Variants in DGLUCY observed in about 807,000 individuals in gnomAD.
The protein encoded by DGLUCY is D-glutamate cyclase, mitochondrial.
DGLUCY carries 58 observed loss-of-function variants against 58.5 expected under a neutral mutation model. The observed-to-expected ratio is 0.99, with a 90% CI of 0.80 to 1.23. The LOEUF (loss-of-function observed/expected upper bound fraction) is 1.23, where lower values mean the gene tolerates loss of function less well. Among genes scored for constraint, DGLUCY ranks in the 50% most tolerant of loss-of-function variants. The pLI, the probability that DGLUCY is intolerant of heterozygous loss-of-function variation, is 0.00. For missense variants in DGLUCY, 779 were observed against 784.7 expected, an observed-to-expected ratio of 0.99 and a Z score of 0.09; for synonymous variants, 325 against 314.1, an observed-to-expected ratio of 1.03 and a Z score of -0.37.
intron 1 of DGLUCY, among the ~76,000 whole-genome samples, chr14:91,133,751 C>G (rs954341568): frequency 2.6e-5 from 4 of 152,180 alleles, no homozygotes; most frequent in African/African-American, 9.7e-5. Context: ...ATTTTACCAT[C>G]ACACCAGCAA....
intron 5 of DGLUCY, among the ~76,000 whole-genome samples, 181 bp downstream of exon 5, chr14:91,170,382 G>A (rs372807914): frequency 3.8e-4 from 58 of 152,302 alleles, no homozygotes; most frequent in Admixed American, 2.4e-3. Context: ...AGCCAGCCTC[G>A]GTCCCACTCA....
intron 9 of DGLUCY, among the ~76,000 whole-genome samples, chr14:91,195,083 T>C (rs1256818673): frequency 1.3e-5 from 2 of 152,136 alleles, no homozygotes; most frequent in African/African-American, 2.4e-5. Flanking sequence ...ATGATGGAGA[T>C]TGAGGAGCTG....
chr14:91,061,020 G>C (rs1397833383), intron 1 of DGLUCY: 2 of 152,368 alleles, frequency 1.3e-5, no homozygotes, highest in African/African-American at 4.8e-5. Flanking sequence ...CTAGTAGTCA[G>C]GAGGCGCTCG....
chr14:91,068,497 C>T (rs970678461), intron 1 of DGLUCY, among the ~76,000 whole-genome samples: 1 of 152,090 alleles, frequency 6.6e-6, no homozygotes, highest in South Asian at 2.1e-4. Context: ...GGAGAAATCC[C>T]GTCTGTACTA....
At chr14:91,139,514 G>A (rs973195805) in intron 1 of DGLUCY, among the ~76,000 whole-genome samples, 28 of 152,166 alleles carry the variant, frequency 1.8e-4, no homozygotes, top group African/African-American at 4.8e-4. Context: ...GTGAAACCCC[G>A]TCTCTACTAA....
chr14:91,139,660 G>C (rs1045019043), intron 1 of DGLUCY, among the ~76,000 whole-genome samples: 2 of 152,208 alleles, frequency 1.3e-5, no homozygotes, highest in African/African-American at 4.8e-5. Flanking sequence ...ACTCCAGCCT[G>C]GGCAACAGAG....
At chr14:91,129,195 T>C (rs920056177) in intron 1 of DGLUCY, among the ~76,000 whole-genome samples, 1 of 152,188 alleles carries the variant, frequency 6.6e-6, no homozygotes, top group Non-Finnish European at 1.5e-5. Context: ...ATAAGCCATA[T>C]GTTCAACTTA....
At chr14:91,203,454 C>T (rs1411989202) in intron 11 of DGLUCY, among the ~76,000 whole-genome samples, 1 of 152,210 alleles carries the variant, frequency 6.6e-6, no homozygotes, top group Non-Finnish European at 1.5e-5. Context: ...GTACCTGTTC[C>T]ATAGGCTTGG....
upstream of DGLUCY, among the ~76,000 whole-genome samples, chr14:91,112,122 G>A (rs2044713419): frequency 6.6e-6 from 1 of 151,926 alleles, no homozygotes; most frequent in South Asian, 2.1e-4. Context: ...GGTGGCACAT[G>A]CCTGTAATCT....
chr14:91,098,246 C>T (rs2044429356), intron 1 of DGLUCY, among the ~76,000 whole-genome samples: 1 of 152,020 alleles, frequency 6.6e-6, no homozygotes, highest in Non-Finnish European at 1.5e-5. Context: ...CACTTGAGCC[C>T]AGGAGTTAGA....
At chr14:91,123,442 C>T (rs1009691994) in intron 1 of DGLUCY, among the ~76,000 whole-genome samples, 9 of 150,344 alleles carry the variant, frequency 6.0e-5, no homozygotes, top group African/African-American at 1.7e-4. Flanking sequence ...GGAAAACTGT[C>T]ATACTGACGC....
chr14:91,207,223 T>G (rs1239015066), intron 12 of DGLUCY, among the ~76,000 whole-genome samples: 1 of 141,702 alleles, frequency 7.1e-6, no homozygotes, highest in African/African-American at 2.6e-5. Context: ...AAATGCAGAA[T>G]GCCTTTGATG....
chr14:91,216,317 C>G (rs1886502073), intron 13 of DGLUCY: 1 of 155,020 alleles, frequency 6.5e-6, no homozygotes, highest in African/African-American at 2.4e-5. Context: ...GTGGTTTCAT[C>G]AGATTCTTCA....
intron 1 of DGLUCY, among the ~76,000 whole-genome samples, chr14:91,146,138 G>T (rs1004582448): frequency 1.3e-5 from 2 of 152,304 alleles, no homozygotes; most frequent in South Asian, 4.1e-4. Flanking sequence ...CTCCCAAAGT[G>T]CTGGAATTAA....
chr14:91,097,966 A>T (rs1345430820), intron 1 of DGLUCY, among the ~76,000 whole-genome samples: 1 of 152,230 alleles, frequency 6.6e-6, no homozygotes, highest in Non-Finnish European at 1.5e-5. Context: ...AAGAGAAAAA[A>T]ATCCTAGTTT....
intron 1 of DGLUCY, among the ~76,000 whole-genome samples, chr14:91,091,586 A>G (rs1310431575): frequency 2.0e-5 from 3 of 152,344 alleles, no homozygotes; most frequent in Admixed American, 1.3e-4. Flanking sequence ...CAGAGGGCAT[A>G]TGCCTTTTCC....
chr14:91,195,522 G>A (rs2050147310), intron 9 of DGLUCY, among the ~76,000 whole-genome samples: 1 of 152,126 alleles, frequency 6.6e-6, no homozygotes, highest in Admixed American at 6.6e-5. Flanking sequence ...AAGGTATGCA[G>A]GGAGGTAGGG....
rs1735351627 is a variant in DGLUCY, at chr14:91,114,273, C to G, written c.-92C>G. ...TGTTTGTAGCCCTCGTCCAGACGCC[C>G]CAAACAAACAGTAAGTCAGAAGGGA... On this transcript the variant is annotated 5_prime_UTR_variant, in exon 1 of 14. Transcript: ENST00000256324. 1.3e-5 allele frequency: 2 copies of G among 152,398 alleles called. No homozygotes were observed. The highest frequency in any genetic ancestry group is 4.1e-4 in the South Asian group (2 of 4,828). 9.4% of individuals were successfully genotyped at this position (152,398 alleles called of 1,614,324 possible). A position where few individuals can be genotyped will look rare whatever the true frequency, so the allele number is the denominator to read the frequency against.
chr14:91,066,247 A>G (rs1348030649), intron 1 of DGLUCY, among the ~76,000 whole-genome samples: 1 of 152,004 alleles, frequency 6.6e-6, no homozygotes, highest in Non-Finnish European at 1.5e-5. Context: ...GCCTGGTGGC[A>G]CATGCCTGTA....
Sources: allele counts gnomAD v4.1 joint callset (sites outside exome capture counted in the v4.1 genomes callset), GRCh38; gene constraint gnomAD v4.1.1; transcripts MANE v1.5; gene names NCBI Gene and HGNC (gene_info 2026-07-23, HGNC 2026-07-21).